Variants in MITF observed in about 807,000 individuals in gnomAD.
MITF encodes the protein microphthalmia-associated transcription factor.
MITF carries 17 observed loss-of-function variants against 60.5 expected under a neutral mutation model. The observed-to-expected ratio is 0.28, with a 90% CI of 0.19 to 0.42. The LOEUF (loss-of-function observed/expected upper bound fraction) is 0.42, where lower values mean the gene tolerates loss of function less well. Among genes scored for constraint, MITF ranks in the 10% least tolerant of loss-of-function variants. MITF has a pLI of 1.00. For synonymous variants in MITF, 260 were observed against 248.5 expected (o/e 1.05, Z -0.43); for missense variants, 622 against 683.5 (o/e 0.91, Z 1.00).
intron 5 of MITF, among the ~76,000 whole-genome samples, chr3:69,948,810 A>C (rs1198015673): frequency 6.6e-6 from 1 of 152,152 alleles, no homozygotes; most frequent in East Asian, 1.9e-4. Flanking sequence ...TAGAGTAGTC[A>C]TTTTATGGGT....
chr3:69,965,625 A>C lies in MITF; in HGVS notation c.*377A>C, dbSNP rs2066671705. ...TCCTTGGAAATCAAATGTAAAGTTT[A>C]ATTGAAAGAATGTAAAGCAACCAAA... is the stretch of plus-strand genomic sequence containing the variant. On this transcript the variant is annotated 3_prime_UTR_variant, in exon 10 of 10. Coordinates refer to ENST00000352241, the MANE Select transcript of MITF (RefSeq NM_001354604.2). 1 of 254,622 alleles carries C rather than the reference A, an allele frequency of 3.9e-6. No homozygotes were observed. The highest frequency in any genetic ancestry group is 1.1e-4 in the South Asian group (1 of 8,774). The allele number at this position is 254,622 out of a possible 1,614,324, so 15.8% of individuals were successfully genotyped here. A position where few individuals can be genotyped will look rare whatever the true frequency, so the allele number is the denominator to read the frequency against.
chr3:69,918,101 G>A (rs1327028215), intron 2 of MITF, among the ~76,000 whole-genome samples: 1 of 152,096 alleles, frequency 6.6e-6, no homozygotes, highest in Non-Finnish European at 1.5e-5. Context: ...GTCTCACTCT[G>A]TCACCCAGGC....
intron 1 of MITF, among the ~76,000 whole-genome samples, chr3:69,793,103 T>G (rs1366162888): frequency 6.8e-6 from 1 of 146,736 alleles, no homozygotes; most frequent in Non-Finnish European, 1.5e-5. Context: ...AACCTCGATT[T>G]CCTGGGCCGA....
At chr3:69,961,884 A>G (rs894160583) in intron 9 of MITF, among the ~76,000 whole-genome samples, 4 of 152,262 alleles carry the variant, frequency 2.6e-5, no homozygotes, top group Admixed American at 6.5e-5. Flanking sequence ...AAATATGTGC[A>G]TTGGAAATTC....
chr3:69,825,364 A>G (rs11716900), intron 1 of MITF, among the ~76,000 whole-genome samples: 76,262 of 151,972 alleles, frequency 0.5, 20,840 homozygotes, highest in Non-Finnish European at 0.63. Context: ...ATTATCTGTA[A>G]TGGAGGAAGA....
At chr3:69,918,587 A>G (rs74808606) in intron 2 of MITF, among the ~76,000 whole-genome samples, 2,376 of 152,296 alleles carry the variant, frequency 0.016, 29 homozygotes, top group Middle Eastern at 0.051. Flanking sequence ...TTTGGAGTCC[A>G]GCACATCAGG....
At chr3:69,814,287 T>G (rs2063146503) in intron 1 of MITF, among the ~76,000 whole-genome samples, 1 of 152,140 alleles carries the variant, frequency 6.6e-6, no homozygotes, top group Admixed American at 6.6e-5. Context: ...AGGAACAACT[T>G]AAGTATTGAC....
chr3:69,934,112 C>T (rs2065780934), intron 2 of MITF, among the ~76,000 whole-genome samples: 1 of 152,086 alleles, frequency 6.6e-6, no homozygotes, highest in African/African-American at 2.4e-5. Flanking sequence ...AGTGATGATG[C>T]TAGAATGCCA....
At chr3:69,784,970 C>T (rs1193538955) in intron 1 of MITF, among the ~76,000 whole-genome samples, 1 of 152,028 alleles carries the variant, frequency 6.6e-6, no homozygotes, top group Non-Finnish European at 1.5e-5. Flanking sequence ...ACTGTGGGCC[C>T]CTGCAGCCAG....
intron 8 of MITF, among the ~76,000 whole-genome samples, chr3:69,957,491 T>A (rs2066428950): frequency 6.6e-6 from 1 of 152,212 alleles, no homozygotes; most frequent in Non-Finnish European, 1.5e-5. Context: ...CAATTCCATC[T>A]TCAATGTTTT....
chr3:69,842,839 T>G (rs2063664819), intron 1 of MITF, among the ~76,000 whole-genome samples: 1 of 152,202 alleles, frequency 6.6e-6, no homozygotes, highest in Non-Finnish European at 1.5e-5. Flanking sequence ...CCCCAGGGGT[T>G]CCACAGAGCA....
At chr3:69,906,462 G>A (rs1358918565) in intron 2 of MITF, among the ~76,000 whole-genome samples, 1 of 152,086 alleles carries the variant, frequency 6.6e-6, no homozygotes, top group African/African-American at 2.4e-5. Context: ...GTCAATCATT[G>A]GAGGTAAAAC....
chr3:69,796,494 C>CGTTTTTTTTTTTTTTTTT, intron 1 of MITF, among the ~76,000 whole-genome samples: 1 of 80,328 alleles, frequency 1.2e-5, no homozygotes, highest in Non-Finnish European at 2.6e-5. Context: ...CACCGTCTTT[C>CGTTTTTTTTTTTTTTTTT]TTTTTTTTTT....
intron 3 of MITF, chr3:69,938,673 C>T: frequency 1.5e-6 from 2 of 1,318,640 alleles, no homozygotes; most frequent in South Asian, 3.9e-5. Context: ...TACCTTCAAG[C>T]TAATTGGTGC....
intron 2 of MITF, among the ~76,000 whole-genome samples, chr3:69,924,234 G>A (rs530111413): frequency 4.6e-5 from 7 of 152,272 alleles, no homozygotes; most frequent in African/African-American, 1.2e-4. Context: ...CTGAGTTCTC[G>A]TGCCAGCAAC....
chr3:69,829,685 CA>C lies in MITF; in HGVS notation c.105-49448del, dbSNP rs2063413895. Among the ~76,000 whole-genome samples the C allele has an allele frequency of 6.4e-5, 7 of 109,230 alleles. No homozygotes were observed. The South Asian group carries it at 2.2e-3, about 35-fold the overall frequency. The allele number at this position is 109,230 out of a possible 152,430, so 71.7% of individuals were successfully genotyped here. A position where few individuals can be genotyped will look rare whatever the true frequency, so the allele number is the denominator to read the frequency against. On this transcript the variant is annotated intron_variant, in intron 1 of 9. Coordinates refer to ENST00000352241, the MANE Select transcript of MITF (RefSeq NM_001354604.2). The stretch of plus-strand genomic sequence containing the variant: ...AAAGGTGTGGATGCACACACACACA[CA>C]CACACACACACCAACTGTCAGGTGA...
intron 1 of MITF, among the ~76,000 whole-genome samples, chr3:69,811,888 G>A (rs546573322): frequency 1.3e-5 from 2 of 152,314 alleles, no homozygotes; most frequent in Admixed American, 6.5e-5. Flanking sequence ...TGGCCCATGA[G>A]ACAGAGAGAC....
intron 1 of MITF, among the ~76,000 whole-genome samples, chr3:69,864,842 TG>T (rs965141906): frequency 5.3e-5 from 8 of 152,168 alleles, no homozygotes; most frequent in Non-Finnish European, 1.2e-4. Context: ...TACTGCTGCC[TG>T]GAAAGCATTT....
intron 6 of MITF, among the ~76,000 whole-genome samples, chr3:69,950,303 GCAAAACAAAA>G (rs1374241724): frequency 6.6e-6 from 1 of 150,890 alleles, no homozygotes; most frequent in East Asian, 1.9e-4. Context: ...TCAAAACAAA[GCAAAACAAAA>G]CAAAACAACA....
Sources: gnomAD v4.1 joint callset for allele counts (sites outside exome capture counted in the v4.1 genomes callset) on GRCh38, gnomAD v4.1.1 for gene constraint, MANE v1.5 for transcripts, NCBI Gene and HGNC (gene_info 2026-07-23, HGNC 2026-07-21) for gene names.